FAF1: variants seen among roughly 807,000 people sequenced by gnomAD.
FAF1 encodes the protein Fas associated factor 1, also known as FAS-associated factor 1.
In FAF1, 25 loss-of-function variants were observed where a neutral mutation model predicts 92.5. The observed-to-expected ratio is 0.27, with a 90% CI of 0.20 to 0.38. The LOEUF is 0.38. FAF1 is among the 10% of genes least tolerant of loss of function. The pLI, the probability that FAF1 is intolerant of heterozygous loss-of-function variation, is 1.00. For missense variants in FAF1, 636 were observed against 793.3 expected (o/e 0.80, Z 2.38); for synonymous variants, 234 against 273.2 (o/e 0.86, Z 1.42).
intron 7 of FAF1, among the ~76,000 whole-genome samples, chr1:50,662,844 G>A (rs1655443922): frequency 6.7e-6 from 1 of 148,518 alleles, no homozygotes; most frequent in Admixed American, 6.6e-5. Flanking sequence ...GGGACTGCAG[G>A]CACCCACTAG....
At chr1:50,817,412 T>C (rs910681914) in intron 2 of FAF1, among the ~76,000 whole-genome samples, 7 of 152,208 alleles carry the variant, frequency 4.6e-5, no homozygotes, top group African/African-American at 1.7e-4. Context: ...TATGATTCCA[T>C]TTACATGAGG....
chr1:50,828,471 G>A (rs1410515993), intron 2 of FAF1, among the ~76,000 whole-genome samples: 1 of 151,912 alleles, frequency 6.6e-6, no homozygotes, highest in East Asian at 1.9e-4. Flanking sequence ...GGGTTTCACT[G>A]TGTTAACCAG....
intron 2 of FAF1, among the ~76,000 whole-genome samples, chr1:50,847,884 C>G (rs1226810218): frequency 1.3e-5 from 2 of 151,280 alleles, no homozygotes; most frequent in African/African-American, 4.9e-5. Context: ...CAAATGCACA[C>G]ATATACACAC....
chr1:50,545,057 T>C (rs1359702731), intron 13 of FAF1, among the ~76,000 whole-genome samples: 3 of 151,642 alleles, frequency 2.0e-5, no homozygotes, highest in African/African-American at 7.3e-5. Context: ...AAAAACACCA[T>C]AACTAGGCCA....
In FAF1 at chr1:50,783,238, A is replaced by G. The variant is rs529441083; in HGVS notation, c.367+4762T>C. On this transcript the variant is annotated intron_variant, in intron 4 of 18. Coordinates refer to ENST00000396153, the MANE Select transcript of FAF1 (RefSeq NM_007051.3). ...AATCAGTAATCAAAAATCTCCCAAC[A>G]AAGAAACATGCAGATGGTAACATTA... 3.3e-5 allele frequency among the ~76,000 whole-genome samples: 5 copies of G among 152,298 alleles called. No homozygotes were observed. The South Asian group carries it at 8.3e-4, about 25-fold the overall frequency.
intron 2 of FAF1, among the ~76,000 whole-genome samples, chr1:50,849,694 C>A (rs767214241): frequency 6.6e-6 from 1 of 151,980 alleles, no homozygotes; most frequent in Non-Finnish European, 1.5e-5. Context: ...TAGAACTATA[C>A]GTCAGTTTTG....
chr1:50,705,966 A>T, intron 6 of FAF1, 75 bp from the exon 7 acceptor site: 1 of 794,798 alleles, frequency 1.3e-6, no homozygotes, highest in South Asian at 1.6e-5. Flanking sequence ...AGCTGCAAAA[A>T]CCCCAGGAGT....
chr1:50,805,736 G>A (rs1461978922), intron 2 of FAF1, among the ~76,000 whole-genome samples: 3 of 151,990 alleles, frequency 2.0e-5, no homozygotes, highest in Non-Finnish European at 4.4e-5. Context: ...AAAGAAAATG[G>A]CAATGACAAA....
chr1:50,518,137 C>T (rs1425758506), intron 15 of FAF1, among the ~76,000 whole-genome samples: 1 of 152,074 alleles, frequency 6.6e-6, no homozygotes, highest in East Asian at 1.9e-4. Flanking sequence ...CCTGAATACT[C>T]TCTAGCAGCC....
At chr1:50,847,708 G>A (rs1271917905) in intron 2 of FAF1, among the ~76,000 whole-genome samples, 1 of 152,038 alleles carries the variant, frequency 6.6e-6, no homozygotes, top group Non-Finnish European at 1.5e-5. Context: ...GAGCTGGTGG[G>A]CTCACAACAT....
chr1:50,729,034 C>A (rs10888705), intron 6 of FAF1, among the ~76,000 whole-genome samples: 19,716 of 87,130 alleles, frequency 0.23, 3,039 homozygotes, highest in East Asian at 0.52. Flanking sequence ...ATCTATCTAT[C>A]TATATATATA....
At chr1:50,904,837 C>G (rs536010945) in intron 1 of FAF1, among the ~76,000 whole-genome samples, 1 of 152,148 alleles carries the variant, frequency 6.6e-6, no homozygotes, top group East Asian at 1.9e-4. Flanking sequence ...AATACATTAT[C>G]AATATCTTTT....
chr1:50,663,028 G>A (rs189673696), intron 7 of FAF1, among the ~76,000 whole-genome samples: 2 of 151,566 alleles, frequency 1.3e-5, no homozygotes, highest in East Asian at 3.9e-4. Flanking sequence ...GGTCAAACCT[G>A]GATTTTACGA....
rs1646134919 is a variant in FAF1, at chr1:50,437,042, C to T, written c.*4398G>A. On this transcript the variant is annotated 3_prime_UTR_variant, in exon 19 of 19. Transcript: ENST00000396153. ...AGACTGAAGACTGGAGATCATGTCT[C>T]TTTTATTAATATTTTCTTTCAGACC... The T allele has an allele frequency of 6.6e-6, 1 of 152,142 alleles. No homozygotes were observed. Among genetic ancestry groups the T allele is most frequent in the African/African-American group, 2.4e-5 (1 of 41,446 alleles). The allele number at this position is 152,142 out of a possible 1,614,324, so 9.4% of individuals were successfully genotyped here. A position where few individuals can be genotyped will look rare whatever the true frequency, so the allele number is the denominator to read the frequency against.
chr1:50,827,934 G>C (rs72902789), intron 2 of FAF1, among the ~76,000 whole-genome samples: 10,088 of 152,152 alleles, frequency 0.066, 414 homozygotes, highest in East Asian at 0.094. Flanking sequence ...ATTCTTCCCA[G>C]ATTCATCTTC....
chr1:50,597,010 A>T (rs1024505784), intron 8 of FAF1, among the ~76,000 whole-genome samples: 4 of 152,234 alleles, frequency 2.6e-5, no homozygotes, highest in African/African-American at 9.6e-5. Flanking sequence ...AACAAAAAAT[A>T]AGCAAATGAA....
At chr1:50,608,735 T>A (rs11810542) in intron 8 of FAF1, among the ~76,000 whole-genome samples, 1 of 152,162 alleles carries the variant, frequency 6.6e-6, no homozygotes, top group Non-Finnish European at 1.5e-5. Context: ...CTTTGGTAGG[T>A]AGATGTCACT....
intron 1 of FAF1, among the ~76,000 whole-genome samples, chr1:50,909,998 C>T (rs903257787): frequency 5.3e-5 from 8 of 152,210 alleles, no homozygotes; most frequent in Non-Finnish European, 4.4e-5. Context: ...TCTGGTTTCT[C>T]GCCATCTTTG....
At position 50,819,789 on chromosome 1, in the gene FAF1, A is replaced by ATATATATATACATATATATACG. The variant is rs1557543736; in HGVS notation, c.115-18113_115-18112insCGTATATATATGTATATATATA. ...CGTATATATATATACATATATATAC[A>ATATATATATACATATATATACG]TATATATATATACATATATATATAT... On this transcript the variant is annotated intron_variant, in intron 2 of 18. Coordinates refer to ENST00000396153, the MANE Select transcript of FAF1 (RefSeq NM_007051.3). Among the ~76,000 whole-genome samples, 97 of 64,310 alleles carry ATATATATATACATATATATACG rather than the reference A, an allele frequency of 1.5e-3. 7 individuals are homozygous for ATATATATATACATATATATACG. Among genetic ancestry groups the ATATATATATACATATATATACG allele is most frequent in the African/African-American group, 5.3e-3 (85 of 15,968 alleles). The allele number at this position is 64,310 out of a possible 152,430, so 42.2% of individuals were successfully genotyped here.
Sources: gnomAD v4.1 joint callset for allele counts (sites outside exome capture counted in the v4.1 genomes callset) on GRCh38, gnomAD v4.1.1 for gene constraint, MANE v1.5 for transcripts, NCBI Gene and HGNC (gene_info 2026-07-23, HGNC 2026-07-21) for gene names.